Variants in DLGAP2 observed in about 807,000 individuals in gnomAD.
DLGAP2 encodes disks large-associated protein 2.
DLGAP2 carries 26 observed loss-of-function variants against 100.3 expected under a neutral mutation model. That is an observed-to-expected ratio of 0.26 (90% CI 0.19 to 0.36). The LOEUF (loss-of-function observed/expected upper bound fraction) is 0.36. DLGAP2 is among the 10% of genes least tolerant of loss of function. The probability of loss-of-function intolerance (pLI) is 1.00; values close to 1 mark genes in which losing one functional copy is unlikely to be tolerated. For synonymous variants in DLGAP2, 886 were observed against 630.1 expected (o/e 1.41, Z -6.08); for missense variants, 1,858 against 1,453.2 (o/e 1.28, Z -4.53).
At chr8:1,391,446 A>C (rs976221403) in intron 3 of DLGAP2, among the ~76,000 whole-genome samples, 1 of 152,150 alleles carries the variant, frequency 6.6e-6, no homozygotes, top group African/African-American at 2.4e-5. Context: ...GGATGTCAGG[A>C]AGGGGTGACT....
intron 1 of DLGAP2, among the ~76,000 whole-genome samples, chr8:887,508 T>G (rs988893480): frequency 1.3e-5 from 2 of 152,254 alleles, no homozygotes; most frequent in Non-Finnish European, 2.9e-5. Context: ...CAGTGGCTGG[T>G]ACCAGTTTTT....
At chr8:1,456,539 A>C (rs977637513) in intron 3 of DLGAP2, among the ~76,000 whole-genome samples, 5 of 152,244 alleles carry the variant, frequency 3.3e-5, no homozygotes, top group African/African-American at 4.8e-5. Flanking sequence ...GGCCCATTTC[A>C]TAGTAAAAAC....
At chr8:1,227,997 G>C (rs993034799) in intron 2 of DLGAP2, among the ~76,000 whole-genome samples, 2 of 151,850 alleles carry the variant, frequency 1.3e-5, no homozygotes, top group Non-Finnish European at 2.9e-5. Flanking sequence ...TTATATGCAT[G>C]TTATGACATG....
chr8:905,074 G>A (rs995462758), intron 1 of DLGAP2, among the ~76,000 whole-genome samples: 1 of 152,100 alleles, frequency 6.6e-6, no homozygotes, highest in South Asian at 2.1e-4. Context: ...AGGGGTGAGC[G>A]CCTTTTTCGA....
At chr8:1,531,233 A>AGT (rs771634448) in intron 4 of DLGAP2, among the ~76,000 whole-genome samples, 2 of 116,728 alleles carry the variant, frequency 1.7e-5, no homozygotes, top group Non-Finnish European at 3.3e-5. Context: ...ATTATTAGAG[A>AGT]GCGTGTGCGT....
At chr8:1,316,284 G>A (rs112970331) in intron 3 of DLGAP2, among the ~76,000 whole-genome samples, 4 of 123,802 alleles carry the variant, frequency 3.2e-5, no homozygotes, top group African/African-American at 6.0e-5. Flanking sequence ...CGAGTGCAGC[G>A]TCTCTCCAAC....
chr8:1,298,594 C>T (rs893656854), intron 3 of DLGAP2, among the ~76,000 whole-genome samples: 2 of 151,412 alleles, frequency 1.3e-5, no homozygotes, highest in Admixed American at 1.3e-4. Flanking sequence ...CGGCCACAGT[C>T]CTGCCCGTCC....
At chr8:1,063,971 C>T (rs1401872876) in intron 2 of DLGAP2, among the ~76,000 whole-genome samples, 1 of 152,156 alleles carries the variant, frequency 6.6e-6, no homozygotes, top group Non-Finnish European at 1.5e-5. Flanking sequence ...GGGTCGTCTG[C>T]CATGCATGCC....
chr8:1,264,372 C>A (rs13253706), intron 3 of DLGAP2, among the ~76,000 whole-genome samples: 3 of 152,044 alleles, frequency 2.0e-5, no homozygotes, highest in Non-Finnish European at 4.4e-5. Flanking sequence ...GACACTCACC[C>A]AGCTTCCCCG....
At chr8:1,496,933 C>G (rs972335789) in intron 3 of DLGAP2, among the ~76,000 whole-genome samples, 1 of 152,084 alleles carries the variant, frequency 6.6e-6, no homozygotes, top group African/African-American at 2.4e-5. Flanking sequence ...TTTACGGGGT[C>G]TCCAGTCACA....
At position 1,515,648 on chromosome 8, in the gene DLGAP2, A is replaced by T. The variant is rs139363952; in HGVS notation, c.172+14217A>T. On this transcript the variant is annotated intron_variant, in intron 4 of 14. Transcript: ENST00000637795. ...TGCAGACACAAGCACACACACATGC[A>T]GACATGAAATATACACATACACATG... 1.5e-3 allele frequency among the ~76,000 whole-genome samples: 229 copies of T among 152,166 alleles called. 2 individuals are homozygous for T. Among genetic ancestry groups the T allele is most frequent in the East Asian group, 0.012 (60 of 5,186 alleles).
intron 3 of DLGAP2, among the ~76,000 whole-genome samples, chr8:1,453,065 T>C (rs1411867647): frequency 6.6e-6 from 1 of 152,030 alleles, no homozygotes; most frequent in African/African-American, 2.4e-5. Flanking sequence ...GGGGTGCAAA[T>C]GGACACAAAT....
intron 8 of DLGAP2, among the ~76,000 whole-genome samples, chr8:1,648,706 G>A (rs1190398478): frequency 6.6e-6 from 1 of 152,182 alleles, no homozygotes; most frequent in Non-Finnish European, 1.5e-5. Flanking sequence ...TTCTCTGGCT[G>A]TCATCATTCC....
rs140617506 is a variant in DLGAP2, at chr8:1,589,941, C to T, written c.1442+24047C>T. On this transcript the variant is annotated intron_variant, in intron 6 of 14. Coordinates refer to ENST00000637795, the MANE Select transcript of DLGAP2 (RefSeq NM_001346810.2). ...TGCCATAACAAAGTACCACACACAG[C>T]GTGGCTTAAAACAATAGAAATTTAC... Among the ~76,000 whole-genome samples, 601 of 152,268 alleles carry T rather than the reference C, an allele frequency of 3.9e-3. 3 individuals carry two copies. The highest frequency in any genetic ancestry group is 5.2e-3 in the Non-Finnish European group (357 of 68,016).
intron 1 of DLGAP2, among the ~76,000 whole-genome samples, chr8:837,971 C>A (rs1286679773): frequency 6.6e-6 from 1 of 150,532 alleles, no homozygotes; most frequent in East Asian, 2.0e-4. Flanking sequence ...AAGTGATCTG[C>A]CTGCCTTGGC....
intron 2 of DLGAP2, among the ~76,000 whole-genome samples, chr8:1,222,428 C>T (rs1389584602): frequency 6.6e-6 from 1 of 152,134 alleles, no homozygotes; most frequent in Non-Finnish European, 1.5e-5. Context: ...TGTTCTCTGG[C>T]CCCTCAAGTT....
intron 1 of DLGAP2, among the ~76,000 whole-genome samples, chr8:762,846 T>G (rs1360995989): frequency 6.6e-6 from 1 of 151,990 alleles, no homozygotes; most frequent in Non-Finnish European, 1.5e-5. Flanking sequence ...CCAGGCTAGC[T>G]TTTGAATTTT....
intron 2 of DLGAP2, among the ~76,000 whole-genome samples, chr8:1,235,559 C>G (rs374933928): frequency 7.4e-6 from 1 of 134,428 alleles, no homozygotes; most frequent in Non-Finnish European, 1.5e-5. Flanking sequence ...GGCGCCATGT[C>G]TAGTTCTCTC....
rs1799688299 is a variant in DLGAP2 at position 1,705,697 on chromosome 8, T to C, written c.*4291T>C. ...CTGCCTGCTCATTTCCCAGCCCTCTTCTTCTCAAGCCTGAACTTCATTTTT... is the reference window on the plus strand; with the variant it reads ...CTGCCTGCTCATTTCCCAGCCCTCTCCTTCTCAAGCCTGAACTTCATTTTT... On this transcript the variant is annotated 3_prime_UTR_variant, in exon 15 of 15. Coordinates refer to ENST00000637795, the MANE Select transcript of DLGAP2 (RefSeq NM_001346810.2). 1 of 152,156 alleles carries C rather than the reference T, an allele frequency of 6.6e-6. No individual in the cohort carries two copies. The highest frequency in any genetic ancestry group is 6.5e-5 in the Admixed American group (1 of 15,286). 9.4% of individuals were successfully genotyped at this position (152,156 alleles called of 1,614,324 possible). A position where few individuals can be genotyped will look rare whatever the true frequency, so the allele number is the denominator to read the frequency against.
Sources: allele counts gnomAD v4.1 joint callset (sites outside exome capture counted in the v4.1 genomes callset), GRCh38; gene constraint gnomAD v4.1.1; transcripts MANE v1.5; gene names NCBI Gene and HGNC (gene_info 2026-07-23, HGNC 2026-07-21).